The following OR2T27 variants were observed in gnomAD, a reference collection of about 807,000 sequenced individuals.
OR2T27 encodes olfactory receptor family 2 subfamily T member 27, also known as olfactory receptor 2T27.
For synonymous variants in OR2T27, 51 were observed against 152.9 expected, an observed-to-expected ratio of 0.33 and a Z score of 4.92; for missense variants, 152 against 397.2, an observed-to-expected ratio of 0.38 and a Z score of 5.25.
At chr1:248,652,381 C>G (rs1476403493) in intron 1 of OR2T27, among the ~76,000 whole-genome samples, 2 of 149,460 alleles carry the variant, frequency 1.3e-5, no homozygotes, top group Non-Finnish European at 3.0e-5. Flanking sequence ...TGTAATTGTT[C>G]TATGCTGTTT....
At chr1:248,654,990 CTAAGTAT>C (rs1383613838) in intron 1 of OR2T27, among the ~76,000 whole-genome samples, 12 of 29,604 alleles carry the variant, frequency 4.1e-4, no homozygotes, top group East Asian at 8.1e-3. Flanking sequence ...CTGGGAACTT[CTAAGTAT>C]TAAGTATGCT....
chr1:248,652,144 ACAC>A (rs201571821), intron 1 of OR2T27, among the ~76,000 whole-genome samples: 7,630 of 148,652 alleles, frequency 0.051, 266 homozygotes, highest in African/African-American at 0.18. Context: ...AGAGTTAAAC[ACAC>A]CACAAATTAG....
rs141470972 is a variant in OR2T27 at position 248,649,874 on chromosome 1, G to T, written c.*57C>A. The T allele has an allele frequency of 5.2e-6, 6 of 1,163,786 alleles. No homozygotes were observed. Among genetic ancestry groups the T allele is most frequent in the Non-Finnish European group, 7.6e-6 (6 of 784,968 alleles). 72.1% of individuals were successfully genotyped at this position (1,163,786 alleles called of 1,614,324 possible). ...AGGCAGAGAATATTTAAATTCAAGG[G>T]CAATGATAAAGTCTTGTATCCTTCA... On this transcript the variant is annotated 3_prime_UTR_variant, in exon 2 of 2. Transcript: ENST00000460972.
rs4916160 is a variant in OR2T27, at chr1:248,653,474, A to C, written c.-5+1970T>G. 1.0e-4 allele frequency among the ~76,000 whole-genome samples: 14 copies of C among 133,976 alleles called. 1 individual carries two copies. The South Asian group carries it at 2.5e-3, about 24-fold the overall frequency. 87.9% of individuals were successfully genotyped at this position (133,976 alleles called of 152,430 possible). A position where few individuals can be genotyped will look rare whatever the true frequency, so the allele number is the denominator to read the frequency against. On this transcript the variant is annotated intron_variant, in intron 1 of 1. Transcript: ENST00000460972. ...ACATCTTTCCCAGTCTTTATAGAGA[A>C]TATTGCTGTGATTGAATATGAGACA...
At position 248,649,894 on chromosome 1, in the gene OR2T27, C is replaced by A. The variant is rs1558180451; in HGVS notation, c.*37G>T. On this transcript the variant is annotated 3_prime_UTR_variant, in exon 2 of 2. Transcript: ENST00000460972. ...CAAGGGCAATGATAAAGTCTTGTATCCTTCATTTCAAGTCTCTAGCAGCAT... is the reference window on the plus strand; with the variant it reads ...CAAGGGCAATGATAAAGTCTTGTATACTTCATTTCAAGTCTCTAGCAGCAT... The A allele has an allele frequency of 5.8e-6, 8 of 1,371,394 alleles. No homozygotes were observed. Among genetic ancestry groups the A allele is most frequent in the Non-Finnish European group, 8.2e-6 (8 of 973,812 alleles). The allele number at this position is 1,371,394 out of a possible 1,614,324, so 85.0% of individuals were successfully genotyped here.
intron 1 of OR2T27, among the ~76,000 whole-genome samples, chr1:248,652,088 C>T (rs1661031064): frequency 6.6e-6 from 1 of 152,204 alleles, no homozygotes. Context: ...AGAGTTATCC[C>T]TGAGAATATG....
In OR2T27 at chr1:248,649,914, C is replaced by T; in HGVS notation, c.*17G>A. 1.2e-5 allele frequency: 18 copies of T among 1,464,648 alleles called. 1 individual carries two copies. The highest frequency in any genetic ancestry group is 1.6e-5 in the Non-Finnish European group (17 of 1,057,428). The allele number at this position is 1,464,648 out of a possible 1,614,324, so 90.7% of individuals were successfully genotyped here. On this transcript the variant is annotated 3_prime_UTR_variant, in exon 2 of 2. Transcript: ENST00000460972. ...TGTATCCTTCATTTCAAGTCTCTAGCAGCATATGAAATTTCTTTAGAAAGT... is the reference window on the plus strand; with the variant it reads ...TGTATCCTTCATTTCAAGTCTCTAGTAGCATATGAAATTTCTTTAGAAAGT...
chr1:248,651,830 C>T (rs1400750034), intron 1 of OR2T27, among the ~76,000 whole-genome samples: 4 of 57,992 alleles, frequency 6.9e-5, no homozygotes, highest in African/African-American at 1.2e-4. Context: ...GCTTATGAAG[C>T]TGTGGAGCCC....
intron 1 of OR2T27, among the ~76,000 whole-genome samples, chr1:248,652,463 T>C (rs1286980583): frequency 2.0e-5 from 3 of 147,398 alleles, no homozygotes; most frequent in Non-Finnish European, 3.0e-5. Context: ...TAAGCCAAAG[T>C]TTGATATTCT....
chr1:248,649,957 A>G lies in OR2T27; in HGVS notation c.928T>C (p.Ser310Pro). 6.3e-7 allele frequency: 1 copy of G among 1,577,548 alleles called. No homozygotes were observed. The highest frequency in any genetic ancestry group is 8.7e-7 in the Non-Finnish European group (1 of 1,155,122). The change falls in exon 2 of 2, where the codon TCC becomes CCC. Residue 310 changes from serine (S) to proline (P), a missense_variant. Coordinates refer to ENST00000460972, the MANE Select transcript of OR2T27 (RefSeq NM_001001824.2). ...ALQKVVGRCV[S>P]SGKVTTF ...TAGAAAGTGGTTACCTTTCCTGAGG[A>G]CACACACCTCCCCACAACCTTCTGT... is the stretch of plus-strand genomic sequence containing the variant.
chr1:248,653,768 C>T (rs1409177180), intron 1 of OR2T27, among the ~76,000 whole-genome samples: 2 of 33,188 alleles, frequency 6.0e-5, no homozygotes, highest in Non-Finnish European at 2.8e-3. Context: ...TTTTCATGAC[C>T]TTTTCTATAT....
intron 1 of OR2T27, among the ~76,000 whole-genome samples, chr1:248,652,788 T>C (rs1661048374): frequency 6.8e-6 from 1 of 146,792 alleles, no homozygotes; most frequent in Non-Finnish European, 1.5e-5. Flanking sequence ...CATTTTTCAG[T>C]TCTCATTCTT....
intron 1 of OR2T27, among the ~76,000 whole-genome samples, chr1:248,652,918 A>G (rs974123914): frequency 8.2e-5 from 12 of 145,864 alleles, no homozygotes; most frequent in African/African-American, 3.0e-4. Context: ...AGCAATTCGT[A>G]TGATGGAGAG....
intron 1 of OR2T27, among the ~76,000 whole-genome samples, chr1:248,652,723 G>A (rs1161053006): frequency 1.2e-5 from 1 of 82,034 alleles, no homozygotes; most frequent in Non-Finnish European, 2.9e-5. Context: ...GTGGATGGAT[G>A]GAAAACGATG....
At chr1:248,652,988 G>A (rs1189543337) in intron 1 of OR2T27, among the ~76,000 whole-genome samples, 38 of 103,030 alleles carry the variant, frequency 3.7e-4, no homozygotes, top group African/African-American at 9.5e-4. Context: ...ATCCTTGGAG[G>A]GCCGTGCTTG....
At chr1:248,653,099 AT>A (rs1558182086) in intron 1 of OR2T27, among the ~76,000 whole-genome samples, 1 of 120,250 alleles carries the variant, frequency 8.3e-6, no homozygotes, top group Non-Finnish European at 1.9e-5. Context: ...AGATGAAAAA[AT>A]TGGTCCAAAA....
chr1:248,653,793 G>A (rs1782243), intron 1 of OR2T27, among the ~76,000 whole-genome samples: 111,471 of 133,086 alleles, frequency 0.84, 50,495 homozygotes, highest in East Asian at 1. Flanking sequence ...GTGATTTGTC[G>A]AGATTAGTCT....
intron 1 of OR2T27, among the ~76,000 whole-genome samples, chr1:248,653,123 G>A (rs1229518478): frequency 7.5e-6 from 1 of 132,690 alleles, no homozygotes; most frequent in African/African-American, 2.6e-5. Flanking sequence ...ATCCTTATCA[G>A]GGCAGCTGTG....
At position 248,650,854 on chromosome 1, in the gene OR2T27, C is replaced by G; in HGVS notation, c.31G>C (p.Asp11His). The change falls in exon 2 of 2, where the codon GAC (aspartate) becomes CAC (histidine). Residue 11 changes from aspartate (D) to histidine (H), a missense_variant. Transcript: ENST00000460972. ...CTGAACAAACCCAGAAGGATAAAGT[C>G]GGCATACACGGAATAATTGCTCTGC... is the stretch of plus-strand genomic sequence containing the variant. MEQSNYSVYADFILLGLFSNA... is the reference protein window; with the variant it reads MEQSNYSVYAHFILLGLFSNA... 6.2e-7 allele frequency: 1 copy of G among 1,600,080 alleles called. No individual in the cohort carries two copies. Among genetic ancestry groups the G allele is most frequent in the Non-Finnish European group, 8.5e-7 (1 of 1,173,160 alleles).
Sources: gnomAD v4.1 joint callset for allele counts (sites outside exome capture counted in the v4.1 genomes callset) on GRCh38, gnomAD v4.1.1 for gene constraint, MANE v1.5 for transcripts, NCBI Gene and HGNC (gene_info 2026-07-23, HGNC 2026-07-21) for gene names.